The following NSMCE1 variants were observed in gnomAD, a reference collection of about 807,000 sequenced individuals.
NSMCE1 encodes the protein non-structural maintenance of chromosomes element 1 homolog.
Under a neutral mutation model 29.6 loss-of-function variants are expected in NSMCE1, and 18 were observed. The ratio of observed to expected loss-of-function variants is 0.61; its 90% CI spans 0.42 to 0.90. NSMCE1 has a LOEUF of 0.90. Among genes scored for constraint, NSMCE1 ranks in the 40% least tolerant of loss-of-function variants. The probability of loss-of-function intolerance (pLI) is 0.00; values close to 1 mark genes in which losing one functional copy is unlikely to be tolerated. For synonymous variants in NSMCE1, 124 were observed against 133.4 expected, an observed-to-expected ratio of 0.93 and a Z score of 0.49; for missense variants, 314 against 343.6, an observed-to-expected ratio of 0.91 and a Z score of 0.68.
At chr16:27,231,952 C>T (rs2083767132) in intron 5 of NSMCE1, among the ~76,000 whole-genome samples, 1 of 152,166 alleles carries the variant, frequency 6.6e-6, no homozygotes, top group Non-Finnish European at 1.5e-5. Flanking sequence ...CCTGCACTCA[C>T]CAGGAGCTCC....
At chr16:27,238,085 C>T (rs1243903010) in intron 2 of NSMCE1, among the ~76,000 whole-genome samples, 2 of 152,192 alleles carry the variant, frequency 1.3e-5, no homozygotes, top group Admixed American at 6.5e-5. Context: ...ACTTCTCTTA[C>T]ACTCAGCACC....
intron 2 of NSMCE1, among the ~76,000 whole-genome samples, chr16:27,252,167 T>A (rs989664095): frequency 6.6e-6 from 1 of 152,184 alleles, no homozygotes; most frequent in Non-Finnish European, 1.5e-5. Flanking sequence ...GATAGAAGCA[T>A]CTTTTGCTCT....
chr16:27,233,933 T>C, intron 4 of NSMCE1: 1 of 468,086 alleles, frequency 2.1e-6, no homozygotes, highest in South Asian at 3.1e-5. Context: ...AGTGAAGCCC[T>C]GCTCTTGCCC....
intron 2 of NSMCE1, among the ~76,000 whole-genome samples, chr16:27,244,772 G>A (rs944971927): frequency 1.1e-4 from 17 of 152,312 alleles, no homozygotes; most frequent in South Asian, 4.1e-4. Context: ...GTCTGCCTCC[G>A]AGTTACGGTC....
chr16:27,226,876 C>T, intron 5 of NSMCE1, 40 bp from the exon 6 acceptor site: 1 of 1,268,072 alleles, frequency 7.9e-7, no homozygotes, highest in South Asian at 1.2e-5. Context: ...TCAGCCAGGC[C>T]CTCTCCCCAT....
chr16:27,245,531 G>C (rs2083946254), intron 2 of NSMCE1, among the ~76,000 whole-genome samples: 1 of 152,212 alleles, frequency 6.6e-6, no homozygotes. Context: ...TGGACTCCCA[G>C]GCTGCAGACA....
rs772519318 is a variant in NSMCE1 at position 27,225,860 on chromosome 16, G to A, written c.601-14C>T. 6.2e-7 allele frequency: 1 copy of A among 1,613,572 alleles called. No individual in the cohort carries two copies. Among genetic ancestry groups the A allele is most frequent in the South Asian group, 1.1e-5 (1 of 91,066 alleles). ...GCAGCTTTGACCCTGAAACAGGAAA[G>A]GCCAATGACGGCGGAGCTGGTGCAC... On this transcript the variant is annotated splice_polypyrimidine_tract_variant and intron_variant, in intron 6 of 7. Transcript: ENST00000361439.
chr16:27,239,451 G>C (rs185397727), intron 2 of NSMCE1, among the ~76,000 whole-genome samples: 80 of 152,340 alleles, frequency 5.3e-4, no homozygotes, highest in Middle Eastern at 6.8e-3. Flanking sequence ...TCATGATAAA[G>C]AGTGCGGAAT....
At chr16:27,251,737 A>C (rs2084037694) in intron 2 of NSMCE1, among the ~76,000 whole-genome samples, 1 of 152,188 alleles carries the variant, frequency 6.6e-6, no homozygotes, top group African/African-American at 2.4e-5. Flanking sequence ...AGTTCTGTGA[A>C]TAGCTGGCAT....
chr16:27,245,678 A>T (rs990134113), intron 2 of NSMCE1, among the ~76,000 whole-genome samples: 10 of 152,190 alleles, frequency 6.6e-5, no homozygotes, highest in African/African-American at 2.4e-4. Flanking sequence ...GCCGGCTGTC[A>T]ATTCTGTATG....
chr16:27,267,499 C>T (rs1439289866), intron 1 of NSMCE1, among the ~76,000 whole-genome samples: 3 of 152,002 alleles, frequency 2.0e-5, no homozygotes, highest in Non-Finnish European at 4.4e-5. Flanking sequence ...TTCCTGTTTT[C>T]AAGGACACTC....
chr16:27,257,360 G>C, intron 2 of NSMCE1, 75 bp downstream of exon 2: 1 of 1,246,828 alleles, frequency 8.0e-7, no homozygotes. Context: ...CAAGTTACAT[G>C]GTATTGTACC....
At chr16:27,267,734 A>ATTT (rs111284469) in intron 1 of NSMCE1, among the ~76,000 whole-genome samples, 1 of 147,822 alleles carries the variant, frequency 6.8e-6, no homozygotes, top group African/African-American at 2.5e-5. Flanking sequence ...AAATATATGC[A>ATTT]TTTTTTTTTT....
chr16:27,246,945 A>G (rs781229873), intron 2 of NSMCE1, among the ~76,000 whole-genome samples: 2 of 152,148 alleles, frequency 1.3e-5, no homozygotes, highest in Non-Finnish European at 2.9e-5. Context: ...CACCGCTTCC[A>G]TATTATATCT....
chr16:27,238,527 A>T (rs1004092137), intron 2 of NSMCE1, among the ~76,000 whole-genome samples: 2 of 136,632 alleles, frequency 1.5e-5, no homozygotes, highest in African/African-American at 5.8e-5. Flanking sequence ...CCCTAACGAG[A>T]CCTTCGCCTT....
chr16:27,247,435 C>G (rs915979785), intron 2 of NSMCE1, among the ~76,000 whole-genome samples: 1 of 152,136 alleles, frequency 6.6e-6, no homozygotes, highest in Non-Finnish European at 1.5e-5. Flanking sequence ...TAAACTTCTT[C>G]CCTTTATAAA....
At chr16:27,235,398 C>G in intron 2 of NSMCE1, 99 bp from the exon 3 acceptor site, 1 of 1,347,598 alleles carries the variant, frequency 7.4e-7, no homozygotes, top group Non-Finnish European at 1.0e-6. Context: ...ACGCAGGGGA[C>G]AGCAACCCCA....
At chr16:27,259,732 T>C (rs1232997664) in intron 1 of NSMCE1, among the ~76,000 whole-genome samples, 1 of 152,144 alleles carries the variant, frequency 6.6e-6, no homozygotes, top group African/African-American at 2.4e-5. Context: ...CTCTAAAATA[T>C]CCACCTAGGC....
chr16:27,234,313 G>T, intron 3 of NSMCE1, 48 bp from the exon 4 acceptor site: 2 of 1,307,658 alleles, frequency 1.5e-6, no homozygotes, highest in Non-Finnish European at 2.2e-6. Context: ...TTTGCGTGTT[G>T]GTTAACGTGT....
Sources: gnomAD v4.1 joint callset for allele counts (sites outside exome capture counted in the v4.1 genomes callset) on GRCh38, gnomAD v4.1.1 for gene constraint, MANE v1.5 for transcripts, NCBI Gene and HGNC (gene_info 2026-07-23, HGNC 2026-07-21) for gene names.